Variants in CXADR observed in about 807,000 individuals in gnomAD.
CXADR encodes the protein CXADR cell adhesion molecule, also known as coxsackievirus and adenovirus receptor.
CXADR carries 20 observed loss-of-function variants against 40.3 expected under a neutral mutation model. That is an observed-to-expected ratio of 0.50 (90% CI 0.35 to 0.72). The LOEUF (loss-of-function observed/expected upper bound fraction) is 0.72, where lower values mean the gene tolerates loss of function less well. Among genes scored for constraint, CXADR ranks in the 30% least tolerant of loss-of-function variants. The pLI, the probability that CXADR is intolerant of heterozygous loss-of-function variation, is 0.01. For missense variants in CXADR, 332 were observed against 449.1 expected (o/e 0.74, Z 2.36); for synonymous variants, 150 against 161.3 (o/e 0.93, Z 0.53).
At chr21:17,573,354 C>T (rs1470940905), downstream of CXADR, among the ~76,000 whole-genome samples, 1 of 152,098 alleles carries the variant, frequency 6.6e-6, no homozygotes, top group Non-Finnish European at 1.5e-5. Flanking sequence ...GGGGACACCT[C>T]AACCCGTAAC....
Position 17,567,023 on chromosome 21 carries a change from T to A in CXADR, c.*1331T>A. On this transcript the variant is annotated 3_prime_UTR_variant, in exon 7 of 7. Transcript: ENST00000284878. ...GACTACTCCTCCTTGCCAAATGTGC[T>A]AAATATCATTTTAGGAGAAGAAAGT... 1 of 981,918 alleles carries A rather than the reference T, an allele frequency of 1.0e-6. No homozygotes were observed. Among genetic ancestry groups the A allele is most frequent in the African/African-American group, 1.7e-5 (1 of 57,298 alleles). 60.8% of individuals were successfully genotyped at this position (981,918 alleles called of 1,614,324 possible).
chr21:17,611,121 T>G, the CXADR span, among the ~76,000 whole-genome samples: 1 of 152,214 alleles, frequency 6.6e-6, no homozygotes, highest in Non-Finnish European at 1.5e-5. Flanking sequence ...TGCAGCCTCC[T>G]CCTGAAAAAT....
At chr21:17,542,494 G>C (rs2060842565) in intron 1 of CXADR, among the ~76,000 whole-genome samples, 1 of 152,152 alleles carries the variant, frequency 6.6e-6, no homozygotes, top group African/African-American at 2.4e-5. Flanking sequence ...TCAGATATAA[G>C]TCAGACTGTG....
intron 1 of CXADR, among the ~76,000 whole-genome samples, chr21:17,535,327 A>G (rs1015516221): frequency 6.6e-6 from 1 of 151,962 alleles, no homozygotes; most frequent in African/African-American, 2.4e-5. Context: ...AGCTCTCACT[A>G]TGATGTACCC....
Position 17,561,363 on chromosome 21 carries a change from A to G in CXADR, c.720A>G (p.Ala240=). ...CTTCAAATAAAGCTGGACTAATTGCAGGAGCCATTATAGGAACTTTGCTTG... is the reference window on the plus strand; with the variant it reads ...CTTCAAATAAAGCTGGACTAATTGCGGGAGCCATTATAGGAACTTTGCTTG... ...VPPSNKAGLI[A]GAIIGTLLAL... Residue 240 remains alanine (A), a synonymous_variant, in exon 6 of 7, where the codon GCA becomes GCG. Transcript: ENST00000284878. 1 of 1,596,614 alleles carries G rather than the reference A, an allele frequency of 6.3e-7. No homozygotes were observed. The highest frequency in any genetic ancestry group is 8.5e-7 in the Non-Finnish European group (1 of 1,171,610).
chr21:17,549,998 T>A (rs1024753013), intron 2 of CXADR, among the ~76,000 whole-genome samples: 1 of 152,224 alleles, frequency 6.6e-6, no homozygotes, highest in Non-Finnish European at 1.5e-5. Flanking sequence ...ACCCGTCAAC[T>A]ACTTCTTTTA....
At chr21:17,599,869 T>C in the CXADR span, among the ~76,000 whole-genome samples, 2 of 152,030 alleles carry the variant, frequency 1.3e-5, no homozygotes, top group Non-Finnish European at 2.9e-5. Context: ...TTAACCCCAA[T>C]TAAATAAAAA....
At chr21:17,542,415 A>C (rs2060841581) in intron 1 of CXADR, among the ~76,000 whole-genome samples, 1 of 152,208 alleles carries the variant, frequency 6.6e-6, no homozygotes, top group African/African-American at 2.4e-5. Flanking sequence ...AGATCTTCTA[A>C]GGCCTTAGTA....
chr21:17,572,207 CA>C (rs71333561), downstream of CXADR, among the ~76,000 whole-genome samples: 13 of 141,312 alleles, frequency 9.2e-5, no homozygotes, highest in South Asian at 2.3e-4. Flanking sequence ...ACTAAAAATA[CA>C]AAAAAAAAAA....
downstream of CXADR, among the ~76,000 whole-genome samples, chr21:17,573,780 G>T (rs1038829345): frequency 1.3e-5 from 2 of 152,196 alleles, no homozygotes; most frequent in Admixed American, 6.5e-5. Context: ...GGTGGCACAT[G>T]CCTGTAATCC....
chr21:17,534,100 A>ATTTTTTTTTTT (rs1157117899), intron 1 of CXADR, among the ~76,000 whole-genome samples: 1 of 60,064 alleles, frequency 1.7e-5, no homozygotes, highest in African/African-American at 8.9e-5. Flanking sequence ...ATATATATAT[A>ATTTTTTTTTTT]TTTTTTTTTT....
At chr21:17,625,800 A>G in the CXADR span, among the ~76,000 whole-genome samples, 3 of 152,338 alleles carry the variant, frequency 2.0e-5, no homozygotes, top group East Asian at 3.9e-4. Flanking sequence ...AGCACCGGAG[A>G]TATCAATCCC....
intron 4 of CXADR, among the ~76,000 whole-genome samples, chr21:17,560,438 T>G (rs905698089): frequency 3.9e-5 from 6 of 152,208 alleles, no homozygotes; most frequent in Non-Finnish European, 7.3e-5. Flanking sequence ...TTGCAGCAGG[T>G]ACACAGTGGA....
At chr21:17,623,295 C>A in the CXADR span, among the ~76,000 whole-genome samples, 1 of 151,978 alleles carries the variant, frequency 6.6e-6, no homozygotes, top group East Asian at 1.9e-4. Flanking sequence ...CCCTTTATTT[C>A]TTTGATGTAT....
intron 1 of CXADR, among the ~76,000 whole-genome samples, chr21:17,536,164 T>G (rs1236977226): frequency 6.6e-6 from 1 of 152,224 alleles, no homozygotes; most frequent in Non-Finnish European, 1.5e-5. Flanking sequence ...TAACAGCTCT[T>G]TTCGTCTATA....
At chr21:17,528,028 AATTTTACT>A (rs1277866049) in intron 1 of CXADR, among the ~76,000 whole-genome samples, 3 of 146,214 alleles carry the variant, frequency 2.1e-5, no homozygotes, top group African/African-American at 7.6e-5. Context: ...ATTTTTTAGC[AATTTTACT>A]TAGGCAGTGC....
chr21:17,526,366 T>C (rs1404421533), intron 1 of CXADR, among the ~76,000 whole-genome samples: 2 of 152,242 alleles, frequency 1.3e-5, no homozygotes, highest in African/African-American at 2.4e-5. Context: ...TATTTCTTAC[T>C]TAATCTCTTG....
downstream of CXADR, among the ~76,000 whole-genome samples, chr21:17,574,299 G>T (rs1239478648): frequency 1.3e-5 from 2 of 152,270 alleles, no homozygotes; most frequent in South Asian, 2.1e-4. Context: ...TGAAAAATGT[G>T]ATCAGTTTTT....
At chr21:17,600,367 G>A in the CXADR span, among the ~76,000 whole-genome samples, 4 of 152,092 alleles carry the variant, frequency 2.6e-5, no homozygotes, top group African/African-American at 9.7e-5. Context: ...TTTGAAAAAA[G>A]ATAAAAATAA....
Sources: allele counts gnomAD v4.1 joint callset (sites outside exome capture counted in the v4.1 genomes callset), GRCh38; gene constraint gnomAD v4.1.1; transcripts MANE v1.5; gene names NCBI Gene and HGNC (gene_info 2026-07-23, HGNC 2026-07-21).